The following SGCD variants were observed in gnomAD, a reference collection of about 807,000 sequenced individuals.
SGCD encodes sarcoglycan delta.
A neutral mutation model predicts 36.6 loss-of-function variants in SGCD; 18 were observed. That is an observed-to-expected ratio of 0.49 (90% CI 0.34 to 0.73). The LOEUF is 0.73. SGCD is among the 30% of genes least tolerant of loss of function. The probability of loss-of-function intolerance (pLI) is 0.01; values close to 1 mark genes in which losing one functional copy is unlikely to be tolerated. For synonymous variants in SGCD, 133 were observed against 130.6 expected (o/e 1.02, Z -0.12); for missense variants, 387 against 346.7 (o/e 1.12, Z -0.92).
At position 156,764,173 on chromosome 5, in the gene SGCD, C is replaced by T. The variant is rs1757545501; in HGVS notation, c.*4783C>T. 1 of 152,530 alleles carries T rather than the reference C, an allele frequency of 6.6e-6. No homozygotes were observed. Among genetic ancestry groups the T allele is most frequent in the South Asian group, 2.1e-4 (1 of 4,818 alleles). The allele number at this position is 152,530 out of a possible 1,614,324, so 9.4% of individuals were successfully genotyped here. ...TAATATAAGAAACAACCTTCGAAAA[C>T]AGGCCTTTTATCTCAAAGATAAAAT... On this transcript the variant is annotated 3_prime_UTR_variant, in exon 9 of 9. Transcript: ENST00000337851.
chr5:156,496,085 T>C (rs1190024536), intron 3 of SGCD, among the ~76,000 whole-genome samples: 8 of 152,172 alleles, frequency 5.3e-5, no homozygotes, highest in Non-Finnish European at 4.4e-5. Context: ...CATCACTTCC[T>C]GACAAAAACC....
chr5:155,842,250 T>TG, the SGCD span, among the ~76,000 whole-genome samples: 1 of 150,718 alleles, frequency 6.6e-6, no homozygotes, highest in African/African-American at 2.4e-5. Flanking sequence ...TGAGGTGTTT[T>TG]TTTTTTTTTT....
At chr5:156,565,554 T>C (rs1759445002) in intron 4 of SGCD, among the ~76,000 whole-genome samples, 1 of 152,148 alleles carries the variant, frequency 6.6e-6, no homozygotes, top group South Asian at 2.1e-4. Flanking sequence ...TAAATTCAGT[T>C]TTTTTATTAT....
chr5:156,304,901 G>A (rs140844676), intron 3 of SGCD, among the ~76,000 whole-genome samples: 1 of 152,156 alleles, frequency 6.6e-6, no homozygotes, highest in Non-Finnish European at 1.5e-5. Context: ...TTTTGCCCCT[G>A]CCCTGGAGAT....
chr5:155,916,017 A>G (rs1363378293), intron 1 of SGCD, among the ~76,000 whole-genome samples: 1 of 152,174 alleles, frequency 6.6e-6, no homozygotes, highest in East Asian at 1.9e-4. Context: ...TACAGAATTA[A>G]TTATCTTCAC....
At position 156,431,517 on chromosome 5, in the gene SGCD, G is replaced by A. The variant is rs536326446; in HGVS notation, c.193-77084G>A. ...GCTGCCTGCCTATTAGGGTAGAGGT[G>A]CAGACTTTCCCTACTGCCCCCAGCA... is the stretch of plus-strand genomic sequence containing the variant. On this transcript the variant is annotated intron_variant, in intron 3 of 8. Transcript: ENST00000337851. 3.9e-5 allele frequency among the ~76,000 whole-genome samples: 6 copies of A among 152,162 alleles called. No individual in the cohort carries two copies. In the East Asian group the frequency reaches 1.2e-3, roughly 30 times the overall value.
At chr5:156,258,524 A>G (rs1765769979) in intron 3 of SGCD, among the ~76,000 whole-genome samples, 3 of 152,206 alleles carry the variant, frequency 2.0e-5, no homozygotes, top group Admixed American at 1.3e-4. Flanking sequence ...CTATCAAACA[A>G]AAATAGCCAC....
chr5:156,394,675 G>A (rs1049962902), intron 3 of SGCD, among the ~76,000 whole-genome samples: 8 of 152,132 alleles, frequency 5.3e-5, no homozygotes, highest in South Asian at 2.1e-4. Flanking sequence ...TTTCTTTGAC[G>A]TAAGTGTCTG....
At chr5:156,485,362 C>A (rs1157371576) in intron 3 of SGCD, among the ~76,000 whole-genome samples, 1 of 152,114 alleles carries the variant, frequency 6.6e-6, no homozygotes, top group African/African-American at 2.4e-5. Flanking sequence ...GCTAGAGGGG[C>A]CTTCAAAATG....
At chr5:155,890,839 C>T (rs1422797911) in intron 1 of SGCD, among the ~76,000 whole-genome samples, 2 of 152,098 alleles carry the variant, frequency 1.3e-5, no homozygotes, top group Non-Finnish European at 2.9e-5. Context: ...TCATTCTACT[C>T]AAGACTCATT....
chr5:155,851,989 T>C, the SGCD span, among the ~76,000 whole-genome samples: 1 of 152,176 alleles, frequency 6.6e-6, no homozygotes, highest in African/African-American at 2.4e-5. Flanking sequence ...CATTTCCATA[T>C]GGACAACTTC....
At chr5:156,303,682 C>A (rs963192209) in intron 3 of SGCD, among the ~76,000 whole-genome samples, 1 of 151,434 alleles carries the variant, frequency 6.6e-6, no homozygotes, top group Non-Finnish European at 1.5e-5. Context: ...GTGATGAATC[C>A]TACCAGGACT....
At chr5:156,730,856 C>T (rs753848306) in intron 7 of SGCD, among the ~76,000 whole-genome samples, 6 of 152,114 alleles carry the variant, frequency 3.9e-5, no homozygotes, top group Non-Finnish European at 7.4e-5. Flanking sequence ...ATTTACACTC[C>T]CACCAACAGT....
intron 3 of SGCD, among the ~76,000 whole-genome samples, chr5:156,272,848 C>A (rs562269230): frequency 6.6e-6 from 1 of 152,216 alleles, no homozygotes; most frequent in South Asian, 2.1e-4. Context: ...TTGAAAAAAA[C>A]ACATCGCCAC....
intron 4 of SGCD, among the ~76,000 whole-genome samples, chr5:156,532,891 C>G (rs1481199668): frequency 6.6e-6 from 1 of 152,006 alleles, no homozygotes; most frequent in Non-Finnish European, 1.5e-5. Context: ...TTATAGTGAC[C>G]TTATGAAGGC....
At position 156,367,899 on chromosome 5, in the gene SGCD, C is replaced by T. The variant is rs562999664; in HGVS notation, c.192+23222C>T. Among the ~76,000 whole-genome samples, 12 of 152,258 alleles carry T rather than the reference C, an allele frequency of 7.9e-5. No homozygotes were observed. The South Asian group carries it at 2.5e-3, about 32-fold the overall frequency. On this transcript the variant is annotated intron_variant, in intron 3 of 8. Coordinates refer to ENST00000337851, the MANE Select transcript of SGCD (RefSeq NM_000337.6). ...CATGACTATTTGAGCTAGGTTTGACCTTCAGCAATGTTGTGAAATCTGTGC... is the reference window on the plus strand; with the variant it reads ...CATGACTATTTGAGCTAGGTTTGACTTTCAGCAATGTTGTGAAATCTGTGC...
At chr5:156,532,395 G>A (rs1757923292) in intron 4 of SGCD, among the ~76,000 whole-genome samples, 1 of 152,156 alleles carries the variant, frequency 6.6e-6, no homozygotes, top group African/African-American at 2.4e-5. Context: ...CAAATACCAT[G>A]TGATTAGAGT....
intron 1 of SGCD, among the ~76,000 whole-genome samples, chr5:156,056,831 C>G (rs1050360198): frequency 6.9e-6 from 1 of 145,712 alleles, no homozygotes. Context: ...GGTTACACAA[C>G]TATAACCACT....
rs576910152 is a variant in SGCD at position 156,182,797 on chromosome 5, A to G, written c.-44+58778A>G. Among the ~76,000 whole-genome samples the G allele has an allele frequency of 3.3e-5, 5 of 152,310 alleles. No individual in the cohort carries two copies. In the South Asian group the frequency reaches 1.0e-3, roughly 32 times the overall value. The stretch of plus-strand genomic sequence containing the variant: ...CTTTCTTTTGATTCTGAGTTTGGCC[A>G]TGTGATTTGCCTAGCCAGTGAGGTG... On this transcript the variant is annotated intron_variant, in intron 3 of 9. Coordinates refer to the SGCD transcript ENST00000517913.
Sources: gnomAD v4.1 joint callset for allele counts (sites outside exome capture counted in the v4.1 genomes callset) on GRCh38, gnomAD v4.1.1 for gene constraint, MANE v1.5 for transcripts, NCBI Gene and HGNC (gene_info 2026-07-23, HGNC 2026-07-21) for gene names.